The following DDX19A variants were observed in gnomAD, a reference collection of about 807,000 sequenced individuals.
DDX19A encodes DEAD-box helicase 19A, also known as ATP-dependent RNA helicase DDX19A.
DDX19A carries 12 observed loss-of-function variants against 60.6 expected under a neutral mutation model. That is an observed-to-expected ratio of 0.20 (90% CI 0.13 to 0.32). The LOEUF is 0.32. Ranked by LOEUF, DDX19A falls within the 10% of genes least tolerant of loss-of-function variation. The probability of loss-of-function intolerance (pLI) is 1.00; values close to 1 mark genes in which losing one functional copy is unlikely to be tolerated. For missense variants in DDX19A, 337 were observed against 600.6 expected (o/e 0.56, Z 4.59); for synonymous variants, 206 against 218.2 (o/e 0.94, Z 0.49).
At chr16:70,362,112 T>A (rs1375516730) in intron 5 of DDX19A, among the ~76,000 whole-genome samples, 2 of 151,136 alleles carry the variant, frequency 1.3e-5, no homozygotes, top group Non-Finnish European at 2.9e-5. Flanking sequence ...GAGGCAGAGG[T>A]TGCAGTGAGC....
At chr16:70,365,943 C>T (rs939884719) in intron 7 of DDX19A, 142 bp from the exon 8 acceptor site, 2 of 1,311,452 alleles carry the variant, frequency 1.5e-6, no homozygotes, top group African/African-American at 1.5e-5. Context: ...CAGAAGAGAC[C>T]AAGACTGAGG....
At chr16:70,359,442 T>A (rs1964308377) in intron 4 of DDX19A, among the ~76,000 whole-genome samples, 1 of 152,246 alleles carries the variant, frequency 6.6e-6, no homozygotes, top group Non-Finnish European at 1.5e-5. Flanking sequence ...TGCCTTTTCT[T>A]TAGAAACAAT....
At chr16:70,353,231 C>G (rs1367919746) in intron 2 of DDX19A, among the ~76,000 whole-genome samples, 1 of 151,570 alleles carries the variant, frequency 6.6e-6, no homozygotes, top group African/African-American at 2.4e-5. Flanking sequence ...TCTTCTGTCT[C>G]TGCATCCCGA....
At chr16:70,366,297 C>A (rs1964518060) in intron 8 of DDX19A, 35 bp downstream of exon 8, 2 of 1,613,128 alleles carry the variant, frequency 1.2e-6, no homozygotes, top group African/African-American at 1.3e-5. Context: ...TCCTCAGACT[C>A]CCCATCTGCA....
At position 70,366,729 on chromosome 16, in the gene DDX19A, G is replaced by A. The variant is rs1313599154; in HGVS notation, c.888G>A (p.Leu296=). ...TCCCAGACCCAAATGTTATCAAACT[G>A]AAGCGTGAGGAAGAGACCCTGGATA... The part of the protein sequence containing the change: ...KVVPDPNVIK[L]KREEETLDTI... The change falls in exon 9 of 12, where the codon CTG becomes CTA. Residue 296 remains leucine, a synonymous_variant. Coordinates refer to ENST00000302243, the MANE Select transcript of DDX19A (RefSeq NM_018332.5). The A allele has an allele frequency of 1.9e-6, 3 of 1,614,108 alleles. No individual in the cohort carries two copies. In the Admixed American group the frequency reaches 5.0e-5, roughly 27 times the overall value.
At chr16:70,350,673 C>A in intron 2 of DDX19A, 68 bp downstream of exon 2, 1 of 1,195,762 alleles carries the variant, frequency 8.4e-7, no homozygotes, top group Non-Finnish European at 1.2e-6. Flanking sequence ...CTCATAGCTG[C>A]ATTGTACAAA....
Position 70,366,708 on chromosome 16 carries a change from A to G in DDX19A, c.867A>G (p.Pro289=), listed in dbSNP as rs1165477890. ...GGAAGTTTGCCCAGAAAGTGGTCCC[A>G]GACCCAAATGTTATCAAACTGAAGC... The part of the protein sequence containing the change: ...SVWKFAQKVV[P]DPNVIKLKRE... Residue 289 remains proline, a synonymous_variant, in exon 9 of 12, where the codon CCA becomes CCG. Transcript: ENST00000302243. The G allele has an allele frequency of 3.7e-6, 6 of 1,614,142 alleles. No individual in the cohort carries two copies. The highest frequency in any genetic ancestry group is 5.1e-6 in the Non-Finnish European group (6 of 1,180,062).
At chr16:70,360,153 C>T (rs1246803758) in intron 4 of DDX19A, among the ~76,000 whole-genome samples, 2 of 151,862 alleles carry the variant, frequency 1.3e-5, no homozygotes, top group Admixed American at 1.3e-4. Context: ...TGGCAGTATG[C>T]GCCTGTAATC....
At chr16:70,364,919 T>C in intron 6 of DDX19A, 98 bp from the exon 7 acceptor site, 3 of 911,774 alleles carry the variant, frequency 3.3e-6, no homozygotes, top group Middle Eastern at 2.2e-4. Context: ...CATGCTTCCC[T>C]GTGCTATTCA....
At chr16:70,354,746 C>T (rs1301333616) in intron 2 of DDX19A, among the ~76,000 whole-genome samples, 3 of 151,966 alleles carry the variant, frequency 2.0e-5, no homozygotes, top group Admixed American at 2.0e-4. Context: ...AATTTGAGAA[C>T]AGGCTGGGCA....
chr16:70,365,966 T>G, intron 7 of DDX19A, 119 bp from the exon 8 acceptor site: 2 of 1,442,562 alleles, frequency 1.4e-6, no homozygotes, highest in African/African-American at 1.4e-5. Flanking sequence ...AACACTCATG[T>G]GTGTTTTGAA....
chr16:70,367,829 A>G (rs1964563744), intron 9 of DDX19A, among the ~76,000 whole-genome samples: 1 of 151,548 alleles, frequency 6.6e-6, no homozygotes, highest in African/African-American at 2.4e-5. Context: ...GTGAGCTGAG[A>G]TCGTGCCCCT....
chr16:70,370,402 T>A lies in DDX19A; in HGVS notation c.1183+17T>A. ...GTGCCCGCGGTGAGCAGAGGACGTG[T>A]CCCACCTGGTCTGCCAGGCTCGGGG... On this transcript the variant is annotated intron_variant, in intron 10 of 11. Coordinates refer to ENST00000302243, the MANE Select transcript of DDX19A (RefSeq NM_018332.5). 1 of 1,602,694 alleles carries A rather than the reference T, an allele frequency of 6.2e-7. No homozygotes were observed. The highest frequency in any genetic ancestry group is 1.1e-5 in the South Asian group (1 of 90,282).
chr16:70,364,619 G>A lies in DDX19A; in HGVS notation c.463G>A (p.Val155Met). 3 of 1,614,198 alleles carry A rather than the reference G, an allele frequency of 1.9e-6. No individual in the cohort carries two copies. Among genetic ancestry groups the A allele is most frequent in the Non-Finnish European group, 1.7e-6 (2 of 1,180,018 alleles). Reference sequence around the variant, plus strand: ...CTTTGTCTTAGCCATGCTCAGCCGAGTGGAGCCATCAGACAGATACCCCCA... The same window carrying A: ...CTTTGTCTTAGCCATGCTCAGCCGAATGGAGCCATCAGACAGATACCCCCA... ...AAFVLAMLSR[V>M]EPSDRYPQCL... Residue 155 changes from valine to methionine, a missense_variant, in exon 6 of 12, where the codon GTG becomes ATG. Physicochemically the swap from Val to Met is conservative, Grantham distance 21 (BLOSUM62 1). This residue lies in a region of DDX19A where 62 missense variants were observed against 75.7 expected (regional missense o/e 0.82). Transcript: ENST00000302243.
In DDX19A at chr16:70,356,220, C is replaced by T; in HGVS notation, c.266C>T (p.Ser89Leu). 7 of 1,614,186 alleles carry T rather than the reference C, an allele frequency of 4.3e-6. No homozygotes were observed. Among genetic ancestry groups the T allele is most frequent in the Non-Finnish European group, 5.9e-6 (7 of 1,180,042 alleles). Residue 89 changes from serine to leucine, a missense_variant, in exon 4 of 12, where the codon TCG becomes TTG. Physicochemically the swap from Ser to Leu is moderately radical, Grantham distance 145. This residue lies in a region of DDX19A where 127 missense variants were observed against 160.3 expected (regional missense o/e 0.79). Transcript: ENST00000302243. ...LQRDPNSPLY[S>L]VKSFEELRLK... ...CGGGATCCAAACTCCCCTCTGTACT[C>T]GGTGAAGTCGTTTGAAGAGCTTCGG...
At chr16:70,350,750 A>G in intron 2 of DDX19A, 145 bp downstream of exon 2, 1 of 571,276 alleles carries the variant, frequency 1.8e-6, no homozygotes, top group East Asian at 2.9e-5. Context: ...TACTGAAGGG[A>G]TATGTCGATT....
In DDX19A at chr16:70,371,776, T is replaced by A; in HGVS notation, c.1376-149T>A. 4 of 1,333,846 alleles carry A rather than the reference T, an allele frequency of 3.0e-6. No individual in the cohort carries two copies. The East Asian group carries it at 9.2e-5, about 31-fold the overall frequency. 82.6% of individuals were successfully genotyped at this position (1,333,846 alleles called of 1,614,324 possible). ...TCCCCTGTGACTGGGCTTCGGGGCG[T>A]GGGGCTCTGACTGTTGCTGTCAGTG... On this transcript the variant is annotated intron_variant, in intron 11 of 11. Transcript: ENST00000302243.
At chr16:70,371,220 C>T (rs1964677840) in intron 10 of DDX19A, 152 bp from the exon 11 acceptor site, 2 of 1,356,736 alleles carry the variant, frequency 1.5e-6, no homozygotes, top group Admixed American at 2.1e-5. Context: ...TGTTGCCTGC[C>T]TATATGTGTG....
intron 4 of DDX19A, among the ~76,000 whole-genome samples, chr16:70,359,040 C>T: frequency 6.6e-6 from 1 of 152,186 alleles, no homozygotes; most frequent in East Asian, 1.9e-4. Flanking sequence ...AAGACGTGAG[C>T]TCTCAGTTTA....
Sources: allele counts gnomAD v4.1 joint callset (sites outside exome capture counted in the v4.1 genomes callset), GRCh38; gene constraint gnomAD v4.1.1; regional missense constraint gnomAD v4.1.1; transcripts MANE v1.5; gene names NCBI Gene and HGNC (gene_info 2026-07-23, HGNC 2026-07-21).